Variants in PRR5L observed in about 807,000 individuals in gnomAD.
PRR5L encodes proline rich 5 like.
A neutral mutation model predicts 36.4 loss-of-function variants in PRR5L; 21 were observed. The ratio of observed to expected loss-of-function variants is 0.58; its 90% confidence interval spans 0.41 to 0.83. The LOEUF (loss-of-function observed/expected upper bound fraction) is 0.83. Among genes scored for constraint, PRR5L ranks in the 40% least tolerant of loss-of-function variants. The pLI, the probability that PRR5L is intolerant of heterozygous loss-of-function variation, is 0.00. For missense variants in PRR5L, 381 were observed against 473.3 expected, an observed-to-expected ratio of 0.80 and a Z score of 1.81; for synonymous variants, 188 against 197.0, an observed-to-expected ratio of 0.95 and a Z score of 0.38.
chr11:36,445,736 T>C (rs898642149), intron 6 of PRR5L, among the ~76,000 whole-genome samples: 3 of 152,230 alleles, frequency 2.0e-5, no homozygotes, highest in Admixed American at 6.5e-5. Context: ...GCCTAGCACA[T>C]AGAATTTAAT....
chr11:36,310,965 C>A (rs1178359567), intron 1 of PRR5L, among the ~76,000 whole-genome samples: 1 of 132,634 alleles, frequency 7.5e-6, no homozygotes, highest in Non-Finnish European at 1.5e-5. Context: ...CCACTGCACT[C>A]TGCCTGGTGA....
intron 1 of PRR5L, among the ~76,000 whole-genome samples, chr11:36,388,716 T>TTTTTG (rs1857503920): frequency 6.8e-6 from 1 of 146,030 alleles, no homozygotes; most frequent in Non-Finnish European, 1.5e-5. Flanking sequence ...TTTTTTTTTT[T>TTTTTG]GAGACGGAGT....
chr11:36,441,832 G>A (rs1451660883), intron 6 of PRR5L, among the ~76,000 whole-genome samples: 1 of 152,136 alleles, frequency 6.6e-6, no homozygotes, highest in African/African-American at 2.4e-5. Context: ...TGTAGACTTA[G>A]CACTATGTGG....
In PRR5L at chr11:36,403,305, A is replaced by C; in HGVS notation, c.172A>C (p.Thr58Pro). Residue 58 changes from threonine to proline, a missense_variant, in exon 3 of 9, where the codon ACT becomes CCT. Transcript: ENST00000530639. Reference protein sequence around the residue: ...SSSSAWNSVQTAVINVFKGGG... With the variant: ...SSSSAWNSVQPAVINVFKGGG... ...TATTCTCTTTTCCTGTAGCGTTCAGACTGCTGTGATCAACGTTTTCAAAGG... is the reference window on the plus strand; with the variant it reads ...TATTCTCTTTTCCTGTAGCGTTCAGCCTGCTGTGATCAACGTTTTCAAAGG... 6.2e-7 allele frequency: 1 copy of C among 1,614,050 alleles called. No homozygotes were observed. Among genetic ancestry groups the C allele is most frequent in the Non-Finnish European group, 8.5e-7 (1 of 1,179,934 alleles).
intron 6 of PRR5L, among the ~76,000 whole-genome samples, chr11:36,442,422 A>G (rs1458821311): frequency 1.3e-5 from 2 of 151,116 alleles, no homozygotes; most frequent in Non-Finnish European, 2.9e-5. Context: ...GCTCACTACA[A>G]CCTCCACCTC....
intron 6 of PRR5L, among the ~76,000 whole-genome samples, chr11:36,445,651 GT>G (rs1202914674): frequency 6.6e-6 from 1 of 152,160 alleles, no homozygotes; most frequent in Non-Finnish European, 1.5e-5. Context: ...TGTGAAATGG[GT>G]TTTATAATGG....
intron 3 of PRR5L, among the ~76,000 whole-genome samples, chr11:36,417,091 G>A (rs1858161173): frequency 1.3e-5 from 2 of 152,090 alleles, no homozygotes; most frequent in Admixed American, 1.3e-4. Context: ...TTCCCACTGT[G>A]GGTTCCTTGG....
At position 36,306,617 on chromosome 11, in the gene PRR5L, AG is replaced by A. The variant is rs767169463; in HGVS notation, c.-126+10183del. 3.3e-5 allele frequency among the ~76,000 whole-genome samples: 5 copies of A among 152,128 alleles called. 1 individual carries two copies. In the East Asian group the frequency reaches 7.7e-4, roughly 23 times the overall value. On this transcript the variant is annotated intron_variant, in intron 1 of 8. Coordinates refer to ENST00000530639, the MANE Select transcript of PRR5L (RefSeq NM_001160167.2). ...TCTAGAAGCGGAATTGCTGAGTGAA[AG>A]GGGAGGTGCATTATTATTATTTTTT...
intron 6 of PRR5L, among the ~76,000 whole-genome samples, chr11:36,441,799 C>T (rs1468542601): frequency 6.6e-6 from 1 of 152,162 alleles, no homozygotes; most frequent in Non-Finnish European, 1.5e-5. Context: ...TGCAAAGCCT[C>T]CTTCTCTTGT....
rs1039928079 is a variant in PRR5L at position 36,464,981 on chromosome 11, T to C, written c.*2245T>C. The C allele has an allele frequency of 6.6e-6, 1 of 152,204 alleles. No homozygotes were observed. The highest frequency in any genetic ancestry group is 1.5e-5 in the Non-Finnish European group (1 of 68,030). 9.4% of individuals were successfully genotyped at this position (152,204 alleles called of 1,614,324 possible). ...CTGTACCTATAAAAAATTTTATTGA[T>C]GTTTATGGTCATGTTAGCTATCAGA... On this transcript the variant is annotated 3_prime_UTR_variant, in exon 9 of 9. Coordinates refer to ENST00000530639, the MANE Select transcript of PRR5L (RefSeq NM_001160167.2).
chr11:36,304,169 T>A (rs948413636), intron 1 of PRR5L, among the ~76,000 whole-genome samples: 2 of 152,226 alleles, frequency 1.3e-5, no homozygotes, highest in African/African-American at 4.8e-5. Flanking sequence ...TCCTCATTAT[T>A]TTTTTCTGTG....
chr11:36,350,862 C>T (rs118029341), intron 1 of PRR5L, among the ~76,000 whole-genome samples: 6,678 of 139,282 alleles, frequency 0.048, 309 homozygotes, highest in Middle Eastern at 0.07. Context: ...CTGTGAATGG[C>T]ATTATTTCAT....
chr11:36,306,705 G>A (rs960171068), intron 1 of PRR5L, among the ~76,000 whole-genome samples: 2 of 152,100 alleles, frequency 1.3e-5, no homozygotes, highest in African/African-American at 4.8e-5. Context: ...AAGAAGCAGT[G>A]CATGAGGATA....
intron 1 of PRR5L, among the ~76,000 whole-genome samples, chr11:36,375,730 C>T (rs1857247974): frequency 6.6e-6 from 1 of 152,152 alleles, no homozygotes; most frequent in African/African-American, 2.4e-5. Context: ...AATAATTATG[C>T]ATTATTTTTA....
intron 4 of PRR5L, among the ~76,000 whole-genome samples, chr11:36,420,834 AACACACACACACACACACAC>A (rs58639707): frequency 1.4e-5 from 2 of 139,302 alleles, no homozygotes; most frequent in Admixed American, 7.3e-5. Flanking sequence ...CAGTTGTTTA[AACACACACACACACACACAC>A]ACACACACAC....
intron 3 of PRR5L, among the ~76,000 whole-genome samples, chr11:36,404,275 T>TG (rs1857863021): frequency 6.7e-6 from 1 of 148,954 alleles, no homozygotes; most frequent in African/African-American, 2.5e-5. Flanking sequence ...GGTCTTTTTT[T>TG]TTTTTTTTTT....
chr11:36,448,774 G>A (rs1439602433), intron 7 of PRR5L, among the ~76,000 whole-genome samples: 1 of 152,168 alleles, frequency 6.6e-6, no homozygotes, highest in Non-Finnish European at 1.5e-5. Context: ...GTCAGGCAAG[G>A]AAATGGTTCC....
intron 4 of PRR5L, 66 bp downstream of exon 4, chr11:36,419,369 G>A (rs973525005): frequency 7.5e-7 from 1 of 1,340,028 alleles, no homozygotes; most frequent in African/African-American, 1.4e-5. Context: ...TAAAAGGGGT[G>A]GCCAATACTG....
rs1856843431 is a variant in PRR5L, at chr11:36,344,161, G to A, written c.-126+47723G>A. On this transcript the variant is annotated intron_variant, in intron 1 of 8. Coordinates refer to ENST00000530639, the MANE Select transcript of PRR5L (RefSeq NM_001160167.2). This position sits in a 1 kb window ranked among gnomAD's most constrained non-coding sequence, Gnocchi z 4.1. ...GAACCTGGGAGGCAGAGGTTGCAGT[G>A]AGCCAAGATTGTGCCACTGCACACT... Among the ~76,000 whole-genome samples, 1 of 151,722 alleles carries A rather than the reference G, an allele frequency of 6.6e-6. No homozygotes were observed. Among genetic ancestry groups the A allele is most frequent in the South Asian group, 2.1e-4 (1 of 4,820 alleles).
Sources: gnomAD v4.1 joint callset for allele counts (sites outside exome capture counted in the v4.1 genomes callset) on GRCh38, gnomAD v4.1.1 for gene constraint, Gnocchi (gnomAD v3.1) non-coding constraint, MANE v1.5 for transcripts, NCBI Gene and HGNC (gene_info 2026-07-23, HGNC 2026-07-21) for gene names.